DMBT1: variants seen among roughly 807,000 people sequenced by gnomAD.
The protein encoded by DMBT1 is deleted in malignant brain tumors 1, also known as scavenger receptor cysteine-rich domain-containing protein DMBT1.
A neutral mutation model predicts 252.9 loss-of-function variants in DMBT1; 198 were observed. The observed-to-expected ratio is 0.78, with a 90% CI of 0.70 to 0.88. DMBT1 has a LOEUF of 0.88. Ranked by LOEUF, DMBT1 falls within the 40% of genes least tolerant of loss-of-function variation. The pLI, the probability that DMBT1 is intolerant of heterozygous loss-of-function variation, is 0.00. For synonymous variants in DMBT1, 990 were observed against 942.7 expected (o/e 1.05, Z -0.92); for missense variants, 2,432 against 2,404.7 (o/e 1.01, Z -0.24).
chr10:122,585,909 A>G, intron 15 of DMBT1, 151 bp from the exon 16 acceptor site: 2 of 1,460,500 alleles, frequency 1.4e-6, no homozygotes, highest in African/African-American at 1.4e-5. Context: ...TTTGACTTTG[A>G]TGAAGCTGAA....
Position 122,589,240 on chromosome 10 carries a change from C to T in DMBT1, c.2080C>T (p.His694Tyr), listed in dbSNP as rs368695418. ...CTGGCTCTCCCACAACTGTGGCCAT[C>T]ATGAAGATGCTGGTGTCATCTGCTC... ...NGWLSHNCGH[H>Y]EDAGVICSAA... is the part of the protein sequence containing the mutation. The change falls in exon 17 of 56, where the codon CAT becomes TAT. Residue 694 changes from histidine to tyrosine, a missense_variant. Physicochemically the swap from His to Tyr is moderately conservative, Grantham distance 83. This residue lies in a region of DMBT1 where 1,264 missense variants were observed against 1,082.2 expected (regional missense o/e 1.17). Coordinates refer to ENST00000338354, the MANE Select transcript of DMBT1 (RefSeq NM_001377530.1). 8.0e-5 allele frequency: 127 copies of T among 1,588,466 alleles called. 12 individuals are homozygous for T. Among genetic ancestry groups the T allele is most frequent in the Non-Finnish European group, 1.0e-4 (119 of 1,165,790 alleles).
At chr10:122,569,178 G>C (rs2981784) in intron 2 of DMBT1, among the ~76,000 whole-genome samples, 102,683 of 151,660 alleles carry the variant, frequency 0.68, 34,866 homozygotes, top group Admixed American at 0.74. Flanking sequence ...ACCTCATGGA[G>C]TGGTTTTGAT....
At chr10:122,627,138 A>G (rs1321280233) in intron 46 of DMBT1, among the ~76,000 whole-genome samples, 1 of 152,234 alleles carries the variant, frequency 6.6e-6, no homozygotes, top group East Asian at 1.9e-4. Flanking sequence ...GCAAAAGATC[A>G]TGTTTATCTT....
At chr10:122,641,387 T>G in intron 55 of DMBT1, among the ~76,000 whole-genome samples, 1 of 152,232 alleles carries the variant, frequency 6.6e-6, no homozygotes, top group East Asian at 1.9e-4. Flanking sequence ...CCAAGAGAAT[T>G]TATACCAATA....
chr10:122,630,545 C>T (rs2098154445), intron 48 of DMBT1, 55 bp downstream of exon 48: 1 of 1,562,862 alleles, frequency 6.4e-7, no homozygotes, highest in Non-Finnish European at 8.8e-7. Flanking sequence ...CCAGCTGCCT[C>T]TTTGGGGGCA....
rs2277238 is a variant in DMBT1, at chr10:122,591,497, C to G, written c.2156C>G (p.Thr719Arg). The G allele has an allele frequency of 1.9e-6, 3 of 1,587,224 alleles. 1 individual carries two copies. Among genetic ancestry groups the G allele is most frequent in the Non-Finnish European group, 2.6e-6 (3 of 1,165,054 alleles). Residue 719 changes from threonine (T) to arginine (R), a missense_variant, in exon 19 of 56, where the codon ACG becomes AGG. Physicochemically the swap from Thr to Arg is moderately conservative, Grantham distance 71. Transcript: ENST00000338354. The part of the protein sequence containing the change: ...TPRPDTLSTI[T>R]LPPSTVGSES... Reference sequence around the variant, plus strand: ...TTTACAGACACGTTGTCGACCATCACGTTACCTCCATCGACAGTAGGTAAA... The same window carrying G: ...TTTACAGACACGTTGTCGACCATCAGGTTACCTCCATCGACAGTAGGTAAA...
At chr10:122,641,291 G>C (rs1844483985) in intron 55 of DMBT1, among the ~76,000 whole-genome samples, 1 of 152,182 alleles carries the variant, frequency 6.6e-6, no homozygotes, top group Non-Finnish European at 1.5e-5. Flanking sequence ...TGCAACTCCA[G>C]CCCCCTCTGA....
rs71486617 is a variant in DMBT1 at position 122,600,518 on chromosome 10, C to G, written c.3310+425C>G. On this transcript the variant is annotated intron_variant, in intron 27 of 55. Coordinates refer to ENST00000338354, the MANE Select transcript of DMBT1 (RefSeq NM_001377530.1). ...ACTGCTGGAAACATTCCGAGATTAT[C>G]ATGGGCCACATTTGTATCCAGAAAA... 3.9e-4 allele frequency among the ~76,000 whole-genome samples: 59 copies of G among 152,318 alleles called. 1 individual carries two copies. In the South Asian group the frequency reaches 8.3e-3, roughly 21 times the overall value.
intron 49 of DMBT1, 40 bp from the exon 50 acceptor site, chr10:122,631,815 C>T: frequency 6.2e-7 from 1 of 1,612,902 alleles, no homozygotes; most frequent in Non-Finnish European, 8.5e-7. Context: ...CTCCAAGCCA[C>T]ATGTCTGTGA....
chr10:122,627,842 G>A (rs2098129238), intron 46 of DMBT1, among the ~76,000 whole-genome samples: 1 of 152,138 alleles, frequency 6.6e-6, no homozygotes, highest in South Asian at 2.1e-4. Context: ...TGTAGTCAAT[G>A]ATAAAAAGTC....
chr10:122,632,263 G>T (rs1008465238), intron 50 of DMBT1, among the ~76,000 whole-genome samples: 2 of 150,888 alleles, frequency 1.3e-5, no homozygotes, highest in African/African-American at 2.4e-5. Flanking sequence ...ACCCCCCACT[G>T]CCCCGCCCCC....
chr10:122,635,343 C>T (rs2098217993), intron 52 of DMBT1, among the ~76,000 whole-genome samples: 1 of 152,028 alleles, frequency 6.6e-6, no homozygotes, highest in Non-Finnish European at 1.5e-5. Context: ...TCTGTGGGGG[C>T]ACTAGGGACT....
chr10:122,629,978 G>A lies in DMBT1; in HGVS notation c.5807G>A (p.Gly1936Asp), dbSNP rs771135160. The change falls in exon 47 of 56, where the codon GGC becomes GAC. Residue 1936 changes from glycine to aspartate, a missense_variant. Gly to Asp is a moderately conservative substitution (Grantham distance 94). Transcript: ENST00000338354. ...EVNSGYRINL[G>D]FSNLKLEAHH... is the part of the protein sequence containing the mutation. The stretch of plus-strand genomic sequence containing the variant: ...AATTCTGGTTATCGCATAAACCTGG[G>A]CTTCAGTAATCTGAAGTAAGTAATG... 1.2e-6 allele frequency: 2 copies of A among 1,614,008 alleles called. No individual in the cohort carries two copies. The highest frequency in any genetic ancestry group is 1.1e-5 in the South Asian group (1 of 91,080).
chr10:122,630,812 G>C, intron 48 of DMBT1, 149 bp from the exon 49 acceptor site: 1 of 852,410 alleles, frequency 1.2e-6, no homozygotes, highest in South Asian at 1.8e-5. Context: ...GCATGGAGCG[G>C]TCCAGTACCT....
At chr10:122,627,380 A>G (rs946589277) in intron 46 of DMBT1, among the ~76,000 whole-genome samples, 3 of 152,162 alleles carry the variant, frequency 2.0e-5, no homozygotes, top group African/African-American at 7.2e-5. Context: ...ACAGTATGGC[A>G]TGCTTTATAT....
In DMBT1 at chr10:122,576,397, A is replaced by G. The variant is rs2097712679; in HGVS notation, c.284-2A>G. 6.2e-7 allele frequency: 1 copy of G among 1,613,334 alleles called. No homozygotes were observed. The highest frequency in any genetic ancestry group is 8.5e-7 in the Non-Finnish European group (1 of 1,179,606). ...CAAGAGAAATTCTGTGCCTTCCTCTAGGATCTGATTCTGGTTTGGCCCTGA... is the reference window on the plus strand; with the variant it reads ...CAAGAGAAATTCTGTGCCTTCCTCTGGGATCTGATTCTGGTTTGGCCCTGA... On this transcript the variant is annotated splice_acceptor_variant, in intron 6 of 55. Coordinates refer to ENST00000338354, the MANE Select transcript of DMBT1 (RefSeq NM_001377530.1). LOFTEE classifies it high-confidence loss of function.
chr10:122,636,062 C>T lies in DMBT1; in HGVS notation c.6620C>T (p.Ala2207Val), dbSNP rs1214135890. ...DGPYRSSPLI[A>V]RVCDGARGSF... ...CCCTACCGCAGTTCCCCTCTCATTG[C>T]TCGAGTTTGTGATGGGGCCAGAGGC... The change falls in exon 53 of 56, where the codon GCT becomes GTT. Residue 2207 changes from alanine to valine, a missense_variant. Coordinates refer to ENST00000338354, the MANE Select transcript of DMBT1 (RefSeq NM_001377530.1). The T allele has an allele frequency of 1.9e-6, 3 of 1,613,990 alleles. 1 individual carries two copies. The South Asian group carries it at 3.3e-5, about 18-fold the overall frequency.
chr10:122,586,299 G>A lies in DMBT1; in HGVS notation c.1699G>A (p.Glu567Lys). Residue 567 changes from glutamate to lysine, a missense_variant, in exon 16 of 56, where the codon GAG becomes AAG. By Grantham distance (56) the Glu-to-Lys change is moderately conservative (BLOSUM62 1). This residue lies in a region of DMBT1 where 1,264 missense variants were observed against 1,082.2 expected (regional missense o/e 1.17). Coordinates refer to ENST00000338354, the MANE Select transcript of DMBT1 (RefSeq NM_001377530.1). ...GGATGACGTGCGCTGCTCAGGGAAT[G>A]AGTCCTACTTGTGGAGCTGCCCCCA... is the stretch of plus-strand genomic sequence containing the variant. ...VLDDVRCSGNESYLWSCPHNG... is the reference protein window; with the variant it reads ...VLDDVRCSGNKSYLWSCPHNG... 6.3e-7 allele frequency: 1 copy of A among 1,588,754 alleles called. No homozygotes were observed. Among genetic ancestry groups the A allele is most frequent in the Non-Finnish European group, 8.6e-7 (1 of 1,165,896 alleles).
At position 122,592,366 on chromosome 10, in the gene DMBT1, G is replaced by C; in HGVS notation, c.2271G>C (p.Val757=). ...TATACCGAGGCTCCTGGGGCACCGTGTGTGATGACAGCTGGGATACCAATG... is the reference window on the plus strand; with the variant it reads ...TATACCGAGGCTCCTGGGGCACCGTCTGTGATGACAGCTGGGATACCAATG... ...EVLYRGSWGT[V]CDDSWDTNDA... The change falls in exon 20 of 56, where the codon GTG becomes GTC. Residue 757 remains valine (V), a synonymous_variant. Coordinates refer to ENST00000338354, the MANE Select transcript of DMBT1 (RefSeq NM_001377530.1). 1 of 1,588,600 alleles carries C rather than the reference G, an allele frequency of 6.3e-7. No homozygotes were observed. The highest frequency in any genetic ancestry group is 8.6e-7 in the Non-Finnish European group (1 of 1,165,870).
Sources: allele counts gnomAD v4.1 joint callset (sites outside exome capture counted in the v4.1 genomes callset), GRCh38; gene constraint gnomAD v4.1.1; regional missense constraint gnomAD v4.1.1; transcripts MANE v1.5; gene names NCBI Gene and HGNC (gene_info 2026-07-23, HGNC 2026-07-21).